ZNF786: variants seen among roughly 807,000 people sequenced by gnomAD.
ZNF786 encodes zinc finger protein 786.
Under a neutral mutation model 63.1 loss-of-function variants are expected in ZNF786, and 56 were observed. The observed-to-expected ratio is 0.89, with a 90% CI of 0.72 to 1.11. The LOEUF is 1.11. ZNF786 is among the 50% of genes least tolerant of loss of function. ZNF786 has a pLI of 0.00. For missense variants in ZNF786, 1,213 were observed against 1,041.8 expected (o/e 1.16, Z -2.26); for synonymous variants, 485 against 406.9 (o/e 1.19, Z -2.31).
In ZNF786 at chr7:149,074,425, T is replaced by C. The variant is rs750550328; in HGVS notation, c.259A>G (p.Met87Val). ...TCCTCAAAACCTGGATCAAAATGCA[T>C]ATCAACAGAGGAGCAAATTATGTTT... ...SGNIICSSVDMHFDPGFEEQL... is the reference protein window; with the variant it reads ...SGNIICSSVDVHFDPGFEEQL... The change falls in exon 3 of 4, where the codon ATG becomes GTG. Residue 87 changes from methionine to valine, a missense_variant. Transcript: ENST00000491431. The C allele has an allele frequency of 3.7e-6, 6 of 1,613,792 alleles. No homozygotes were observed. In the African/African-American group the frequency reaches 8.0e-5, roughly 22 times the overall value.
At chr7:149,074,970 C>T in intron 2 of ZNF786, among the ~76,000 whole-genome samples, 1 of 99,970 alleles carries the variant, frequency 1.0e-5, no homozygotes, top group Non-Finnish European at 2.5e-5. Context: ...CCTGGGACTA[C>T]AGGCACGCAC....
Position 149,072,052 on chromosome 7 carries a change from G to T in ZNF786, c.720C>A (p.Phe240Leu). Residue 240 changes from phenylalanine to leucine, a missense_variant, in exon 4 of 4, where the codon TTC becomes TTA. Phe to Leu is a conservative substitution (Grantham distance 22). Coordinates refer to ENST00000491431, the MANE Select transcript of ZNF786 (RefSeq NM_152411.4). ...AGCTCTTACCGCACACGCCACACCG[G>T]AAGTGCCTCTGTACCCGAGGGCTGC... ...PWSSPRVQRHFRCGVCGKSFR... is the reference protein window; with the variant it reads ...PWSSPRVQRHLRCGVCGKSFR... The T allele has an allele frequency of 1.2e-6, 2 of 1,613,280 alleles. 1 individual carries two copies. The highest frequency in any genetic ancestry group is 1.7e-6 in the Non-Finnish European group (2 of 1,179,758).
chr7:149,076,424 G>A (rs984578948), intron 2 of ZNF786, among the ~76,000 whole-genome samples: 3 of 148,516 alleles, frequency 2.0e-5, no homozygotes, highest in Non-Finnish European at 3.0e-5. Context: ...CTATATTGCT[G>A]GTTTTAAACT....
intron 1 of ZNF786, among the ~76,000 whole-genome samples, chr7:149,089,950 C>T (rs1373540414): frequency 6.7e-6 from 1 of 148,512 alleles, no homozygotes; most frequent in Non-Finnish European, 1.5e-5. Flanking sequence ...CCCGACCTCA[C>T]GTGATCCACC....
chr7:149,089,575 T>C (rs1242850579), intron 1 of ZNF786, among the ~76,000 whole-genome samples: 2 of 150,132 alleles, frequency 1.3e-5, no homozygotes, highest in East Asian at 4.1e-4. Context: ...CCTCGGCCTC[T>C]CAAAGTGCTG....
Position 149,071,592 on chromosome 7 carries a change from C to T in ZNF786, c.1180G>A (p.Glu394Lys), listed in dbSNP as rs754160379. The change falls in exon 4 of 4, where the codon GAA becomes AAA. Residue 394 changes from glutamate to lysine, a missense_variant. Transcript: ENST00000491431. ...CAATGCGCACACTGGAAGGGCTTTT[C>T]TCCAGTATGCGCCCTGCAGGGGCTG... ...LASPCRAHTG[E>K]KPFQCAHCTK... 1.9e-6 allele frequency: 3 copies of T among 1,607,410 alleles called. No individual in the cohort carries two copies. In the East Asian group the frequency reaches 6.7e-5, roughly 36 times the overall value.
chr7:149,077,270 A>G (rs1825568989), intron 2 of ZNF786, among the ~76,000 whole-genome samples: 1 of 152,184 alleles, frequency 6.6e-6, no homozygotes, highest in South Asian at 2.1e-4. Context: ...CTTTGAATCT[A>G]TAGATTCATT....
rs1219373353 is a variant in ZNF786 at position 149,077,698 on chromosome 7, A to G, written c.145+2893T>C. 2.6e-5 allele frequency among the ~76,000 whole-genome samples: 4 copies of G among 152,056 alleles called. No individual in the cohort carries two copies. The East Asian group carries it at 7.7e-4, about 29-fold the overall frequency. On this transcript the variant is annotated intron_variant, in intron 2 of 3. Coordinates refer to ENST00000491431, the MANE Select transcript of ZNF786 (RefSeq NM_152411.4). ...GCCGGCCACAGTGGCTCACGACTGT[A>G]ATCCCAGAACTTGGGGAGGCCAAGG... is the stretch of plus-strand genomic sequence containing the variant.
intron 1 of ZNF786, among the ~76,000 whole-genome samples, chr7:149,085,613 C>A (rs528827809): frequency 3.0e-4 from 45 of 152,130 alleles, no homozygotes; most frequent in Admixed American, 1.0e-3. Flanking sequence ...CCACTCCTGG[C>A]AATATAGTTT....
chr7:149,086,626 T>TCACA (rs147898859), intron 1 of ZNF786, among the ~76,000 whole-genome samples: 42,512 of 147,512 alleles, frequency 0.29, 6,151 homozygotes, highest in Non-Finnish European at 0.31. Flanking sequence ...ACACTCTGTC[T>TCACA]CACACACACA....
chr7:149,084,333 C>T (rs1045003721), intron 1 of ZNF786, among the ~76,000 whole-genome samples: 7 of 111,988 alleles, frequency 6.3e-5, no homozygotes, highest in Admixed American at 1.2e-4. Flanking sequence ...GCCTGGACAA[C>T]AGAGCAAAAC....
intron 2 of ZNF786, 145 bp from the exon 3 acceptor site, chr7:149,074,683 A>T: frequency 1.1e-6 from 1 of 926,988 alleles, no homozygotes; most frequent in Non-Finnish European, 1.6e-6. Flanking sequence ...AAGATGAAAA[A>T]ACCGCCTACA....
In ZNF786 at chr7:149,086,784, G is replaced by A. The variant is rs1029373121; in HGVS notation, c.18+3839C>T. Among the ~76,000 whole-genome samples the A allele has an allele frequency of 2.0e-5, 3 of 151,836 alleles. No homozygotes were observed. The East Asian group carries it at 5.8e-4, about 29-fold the overall frequency. ...AGGACAGCACCAAGACATTCATGAGGGATCCACCCCCCATGACCTAAACAC... is the reference window on the plus strand; with the variant it reads ...AGGACAGCACCAAGACATTCATGAGAGATCCACCCCCCATGACCTAAACAC... On this transcript the variant is annotated intron_variant, in intron 1 of 3. Transcript: ENST00000491431.
chr7:149,082,524 T>C (rs1563139691), intron 1 of ZNF786: 1 of 933,024 alleles, frequency 1.1e-6, no homozygotes, highest in Non-Finnish European at 1.3e-6. Flanking sequence ...TGAACTGCCA[T>C]TGTTATTGCC....
At chr7:149,076,525 G>A (rs1051271784) in intron 2 of ZNF786, among the ~76,000 whole-genome samples, 2 of 150,876 alleles carry the variant, frequency 1.3e-5, no homozygotes, top group East Asian at 4.0e-4. Flanking sequence ...TCAGGAGTTC[G>A]AGACCAGCCT....
Position 149,071,351 on chromosome 7 carries a change from AGCCGCTGGT to A in ZNF786, c.1412_1420del (p.His471_Arg473del). On this transcript the variant is annotated inframe_deletion, in exon 4 of 4. Transcript: ENST00000491431. ...CTGAAAGGGCTTCTCGTCCGTGTGCAGCCGCTGGTGCCGCAGCAGCTGTCCCCTCTGACG... is the reference window on the plus strand; with the variant it reads ...CTGAAAGGGCTTCTCGTCCGTGTGCAGCCGCAGCAGCTGTCCCCTCTGACG... The A allele has an allele frequency of 6.2e-7, 1 of 1,613,090 alleles. No homozygotes were observed. The highest frequency in any genetic ancestry group is 1.1e-5 in the South Asian group (1 of 91,070).
At chr7:149,073,760 T>TAC (rs1174758192) in intron 3 of ZNF786, among the ~76,000 whole-genome samples, 6 of 99,426 alleles carry the variant, frequency 6.0e-5, no homozygotes, top group African/African-American at 2.2e-4. Context: ...TATATATATA[T>TAC]ATATATATAT....
chr7:149,080,770 C>G, intron 1 of ZNF786, 53 bp from the exon 2 acceptor site: 1 of 1,538,604 alleles, frequency 6.5e-7, no homozygotes, highest in Admixed American at 2.2e-5. Context: ...AAAATGACTC[C>G]AGCTCCTTCT....
intron 2 of ZNF786, among the ~76,000 whole-genome samples, chr7:149,077,751 C>T (rs893559167): frequency 5.3e-5 from 8 of 152,140 alleles, no homozygotes; most frequent in Admixed American, 1.3e-4. Flanking sequence ...CTCAAGAATT[C>T]GAGACCAGCC....
Sources: gnomAD v4.1 joint callset for allele counts (sites outside exome capture counted in the v4.1 genomes callset) on GRCh38, gnomAD v4.1.1 for gene constraint, MANE v1.5 for transcripts, NCBI Gene and HGNC (gene_info 2026-07-23, HGNC 2026-07-21) for gene names.